Variants in BRD1 observed in about 807,000 individuals in gnomAD.
The protein encoded by BRD1 is bromodomain-containing protein 1.
BRD1 carries 24 observed loss-of-function variants against 107.7 expected under a neutral mutation model. That is an observed-to-expected ratio of 0.22 (90% CI 0.16 to 0.31). BRD1 has a LOEUF of 0.31. BRD1 is among the 10% of genes least tolerant of loss of function. The pLI, the probability that BRD1 is intolerant of heterozygous loss-of-function variation, is 1.00. For synonymous variants in BRD1, 744 were observed against 686.1 expected (o/e 1.08, Z -1.32); for missense variants, 1,279 against 1,638.6 (o/e 0.78, Z 3.79).
intron 7 of BRD1, among the ~76,000 whole-genome samples, chr22:49,793,548 C>T (rs766271731): frequency 3.9e-5 from 6 of 152,224 alleles, no homozygotes; most frequent in Non-Finnish European, 5.9e-5. Flanking sequence ...TCCCTCCCTT[C>T]ACAACATCAG....
At chr22:49,826,118 G>A in intron 1 of BRD1, 2 of 961,422 alleles carry the variant, frequency 2.1e-6, no homozygotes, top group Non-Finnish European at 2.5e-6. Flanking sequence ...CGTCATTACT[G>A]AGGTGGGGCA....
chr22:49,803,514 T>C lies in BRD1; in HGVS notation c.1524+690A>G, dbSNP rs1467536065. ...GAGCTGCTTGTGTTTTCAATTACTT[T>C]TGTGCATCTCACAGAAGCTACTTCA... On this transcript the variant is annotated intron_variant, in intron 3 of 12. Coordinates refer to ENST00000404760, the MANE Select transcript of BRD1 (RefSeq NM_001304808.3). The surrounding 1 kb of genome is among the most constrained non-coding windows in gnomAD (Gnocchi z 4.4). 6.6e-6 allele frequency among the ~76,000 whole-genome samples: 1 copy of C among 152,244 alleles called. No individual in the cohort carries two copies. Among genetic ancestry groups the C allele is most frequent in the East Asian group, 1.9e-4 (1 of 5,206 alleles).
Position 49,774,222 on chromosome 22 carries a change from C to A in BRD1, c.*11G>T, listed in dbSNP as rs554175819. On this transcript the variant is annotated 3_prime_UTR_variant, in exon 13 of 13. Coordinates refer to ENST00000404760, the MANE Select transcript of BRD1 (RefSeq NM_001304808.3). The stretch of plus-strand genomic sequence containing the variant: ...ACACTATGGACAAGACCCGCGCTGG[C>A]GGCCGGGCCGTCAGTCAATGTCACT... The A allele has an allele frequency of 1.3e-5, 21 of 1,610,486 alleles. No homozygotes were observed. In the South Asian group the frequency reaches 2.2e-4, roughly 17 times the overall value.
chr22:49,823,721 G>C lies in BRD1; in HGVS notation c.597C>G (p.Cys199Trp). ...GCTGCTCGCCCTGCTTCTGGTTCTC[G>C]CAGTGCGACTCCTTCTCGAAGCGGT... ...LMDRFEKESH[C>W]ENQKQGEQQS... is the part of the protein sequence containing the mutation. Residue 199 changes from cysteine (C) to tryptophan (W), a missense_variant, in exon 2 of 13, where the codon TGC (cysteine) becomes TGG (tryptophan). Physicochemically the swap from Cys to Trp is radical, Grantham distance 215. Transcript: ENST00000404760. 6.2e-7 allele frequency: 1 copy of C among 1,613,982 alleles called. No individual in the cohort carries two copies. Among genetic ancestry groups the C allele is most frequent in the Non-Finnish European group, 8.5e-7 (1 of 1,179,980 alleles).
At chr22:49,798,471 T>C in intron 5 of BRD1, 87 bp downstream of exon 5, 2 of 1,598,054 alleles carry the variant, frequency 1.3e-6, no homozygotes, top group Non-Finnish European at 1.7e-6. Flanking sequence ...GGATGTACTC[T>C]AGCCAATCAC....
rs752162858 is a variant in BRD1, at chr22:49,794,023, C to A, written c.2359+11G>T. On this transcript the variant is annotated intron_variant, in intron 7 of 12. Coordinates refer to ENST00000404760, the MANE Select transcript of BRD1 (RefSeq NM_001304808.3). ...CGGCAAGAAAGCGGGGCAGCCCTCA[C>A]CGTGGCTTACCTTCCTCGCCCGCCT... 6.2e-7 allele frequency: 1 copy of A among 1,607,336 alleles called. No homozygotes were observed. Among genetic ancestry groups the A allele is most frequent in the Non-Finnish European group, 8.5e-7 (1 of 1,176,734 alleles).
intron 2 of BRD1, chr22:49,807,143 C>T (rs2059761907): frequency 6.6e-6 from 1 of 152,160 alleles, no homozygotes; most frequent in South Asian, 2.1e-4. Context: ...ATGGGACCCA[C>T]TAAATGCACT....
Position 49,823,784 on chromosome 22 carries a change from G to A in BRD1, c.534C>T (p.Val178=), listed in dbSNP as rs2060112274. ...IVNEKRKGDC[V]PAVSQSMFEF... ...CAAACATGCTCTGCGACACGGCGGG[G>A]ACGCAGTCGCCCTTGCGCTTCTCAT... Residue 178 remains valine (V), a synonymous_variant, in exon 2 of 13, where the codon GTC becomes GTT. Coordinates refer to ENST00000404760, the MANE Select transcript of BRD1 (RefSeq NM_001304808.3). 1 of 1,614,156 alleles carries A rather than the reference G, an allele frequency of 6.2e-7. No individual in the cohort carries two copies. Among genetic ancestry groups the A allele is most frequent in the Non-Finnish European group, 8.5e-7 (1 of 1,180,044 alleles).
chr22:49,815,314 G>A (rs541871573), intron 2 of BRD1, among the ~76,000 whole-genome samples: 2 of 152,284 alleles, frequency 1.3e-5, no homozygotes, highest in South Asian at 2.1e-4. Context: ...TAAGGCAGGC[G>A]GATTACCTTA....
chr22:49,787,987 G>A, intron 7 of BRD1, 100 bp from the exon 8 acceptor site: 1 of 1,181,690 alleles, frequency 8.5e-7, no homozygotes, highest in Middle Eastern at 2.9e-4. Flanking sequence ...TACTAATTCA[G>A]TTAAGGAAAC....
chr22:49,800,791 C>A (rs916696356), intron 3 of BRD1, among the ~76,000 whole-genome samples: 1 of 152,222 alleles, frequency 6.6e-6, no homozygotes, highest in African/African-American at 2.4e-5. Context: ...GTGGGAGGCT[C>A]CACGAGAAAG....
chr22:49,809,533 T>C (rs1324778643), intron 2 of BRD1, among the ~76,000 whole-genome samples: 1 of 148,262 alleles, frequency 6.7e-6, no homozygotes. Context: ...GGAATGAGAC[T>C]TCGTCTCCAA....
intron 5 of BRD1, among the ~76,000 whole-genome samples, 197 bp downstream of exon 5, chr22:49,798,361 C>T (rs1464641635): frequency 6.6e-6 from 1 of 152,212 alleles, no homozygotes; most frequent in Non-Finnish European, 1.5e-5. Context: ...CTGCACAGGG[C>T]CTCTTGCCCA....
At chr22:49,818,644 T>C (rs1420734115) in intron 2 of BRD1, among the ~76,000 whole-genome samples, 9 of 152,098 alleles carry the variant, frequency 5.9e-5, no homozygotes, top group Admixed American at 5.2e-4. Context: ...TCCTAGCACT[T>C]TGGGAGGCAG....
At position 49,777,620 on chromosome 22, in the gene BRD1, G is replaced by C. The variant is rs1054702246; in HGVS notation, c.2993+58C>G. 30 of 1,570,938 alleles carry C rather than the reference G, an allele frequency of 1.9e-5. No homozygotes were observed. In the East Asian group the frequency reaches 6.7e-4, roughly 35 times the overall value. On this transcript the variant is annotated intron_variant, in intron 9 of 12. Transcript: ENST00000404760. ...AATGTCCCGGCTTCCAGGACAGCCA[G>C]GCGGGGCGGGCGGTGCTGGGAGCTG...
chr22:49,817,289 G>A (rs905328013), intron 2 of BRD1: 1 of 190,008 alleles, frequency 5.3e-6, no homozygotes, highest in East Asian at 1.4e-4. Context: ...GGCACTGGGG[G>A]TGCATGACTG....
chr22:49,780,622 G>A (rs2059188698), intron 8 of BRD1, among the ~76,000 whole-genome samples: 2 of 152,212 alleles, frequency 1.3e-5, no homozygotes, highest in African/African-American at 4.8e-5. Flanking sequence ...AGAACCTCGG[G>A]GGAGCTGCAA....
intron 3 of BRD1, among the ~76,000 whole-genome samples, chr22:49,801,531 C>T (rs2059640724): frequency 6.6e-6 from 1 of 152,236 alleles, no homozygotes; most frequent in Admixed American, 6.5e-5. Context: ...GGCAGAAGCA[C>T]AGTCTCTCCC....
At chr22:49,799,243 G>A in intron 3 of BRD1, 124 bp from the exon 4 acceptor site, 1 of 1,287,082 alleles carries the variant, frequency 7.8e-7, no homozygotes, top group East Asian at 2.4e-5. Flanking sequence ...CCATCCTGGG[G>A]AGGACAACAG....
Sources: gnomAD v4.1 joint callset for allele counts (sites outside exome capture counted in the v4.1 genomes callset) on GRCh38, gnomAD v4.1.1 for gene constraint, Gnocchi (gnomAD v3.1) non-coding constraint, MANE v1.5 for transcripts, NCBI Gene and HGNC (gene_info 2026-07-23, HGNC 2026-07-21) for gene names.